The following ZBTB7C variants were observed in gnomAD, a reference collection of about 807,000 sequenced individuals.
The protein encoded by ZBTB7C is zinc finger and BTB domain containing 7C.
ZBTB7C carries 8 observed loss-of-function variants against 25.7 expected under a neutral mutation model. The observed-to-expected ratio is 0.31, with a 90% CI of 0.18 to 0.56. The LOEUF (loss-of-function observed/expected upper bound fraction) is 0.56. Among genes scored for constraint, ZBTB7C ranks in the 20% least tolerant of loss-of-function variants. The pLI is 0.91. For missense variants in ZBTB7C, 824 were observed against 855.2 expected (o/e 0.96, Z 0.46); for synonymous variants, 394 against 369.0 (o/e 1.07, Z -0.78).
chr18:48,307,964 A>G (rs771145967), intron 2 of ZBTB7C, among the ~76,000 whole-genome samples: 8 of 152,214 alleles, frequency 5.3e-5, no homozygotes, highest in Non-Finnish European at 1.2e-4. Flanking sequence ...TTTTTGGTAC[A>G]TTTTTTATGT....
chr18:48,294,394 G>C (rs1201112162), intron 2 of ZBTB7C, among the ~76,000 whole-genome samples: 1 of 149,178 alleles, frequency 6.7e-6, no homozygotes, highest in Non-Finnish European at 1.5e-5. Context: ...GTTTTTTTCT[G>C]TTTCTAGCTT....
At chr18:48,170,706 C>T (rs952934884) in intron 3 of ZBTB7C, among the ~76,000 whole-genome samples, 14 of 152,180 alleles carry the variant, frequency 9.2e-5, no homozygotes, top group African/African-American at 2.9e-4. Context: ...CCCCTCCACA[C>T]CTATGAAGTC....
chr18:48,367,190 TATATATATATATACACACACACACACAC>T, intron 1 of ZBTB7C, among the ~76,000 whole-genome samples: 2 of 68,544 alleles, frequency 2.9e-5, no homozygotes, highest in South Asian at 9.6e-4. Flanking sequence ...TATATATATA[TATATATATATATACACACACACACACAC>T]ACACACACAC....
At chr18:48,051,499 C>T (rs2036685548) in intron 3 of ZBTB7C, among the ~76,000 whole-genome samples, 1 of 152,210 alleles carries the variant, frequency 6.6e-6, no homozygotes, top group South Asian at 2.1e-4. Flanking sequence ...AGCCTTTTAC[C>T]TTTCAAAGCA....
chr18:48,409,393 C>A (rs1286151261), upstream of ZBTB7C: 1 of 147,118 alleles, frequency 6.8e-6, no homozygotes, highest in African/African-American at 2.5e-5. Context: ...TGGAGCTGAG[C>A]GGCGGCAGCG....
At chr18:48,157,166 G>T (rs1463802481) in intron 3 of ZBTB7C, among the ~76,000 whole-genome samples, 1 of 152,124 alleles carries the variant, frequency 6.6e-6, no homozygotes, top group African/African-American at 2.4e-5. Context: ...ATAACCTGGG[G>T]GTACTCTCTG....
chr18:48,257,990 C>T (rs1256185406), intron 2 of ZBTB7C, among the ~76,000 whole-genome samples: 1 of 152,106 alleles, frequency 6.6e-6, no homozygotes, highest in Non-Finnish European at 1.5e-5. Context: ...GCTATGATTG[C>T]ACCACTGCAC....
chr18:48,261,636 C>CT (rs1434123677), intron 2 of ZBTB7C, among the ~76,000 whole-genome samples: 3 of 152,184 alleles, frequency 2.0e-5, no homozygotes, highest in Non-Finnish European at 4.4e-5. Flanking sequence ...ATCCTCGCCT[C>CT]TGAGTCACTC....
chr18:48,194,097 C>T (rs2042262233), intron 2 of ZBTB7C, among the ~76,000 whole-genome samples: 3 of 152,260 alleles, frequency 2.0e-5, no homozygotes, highest in African/African-American at 7.2e-5. Flanking sequence ...AGAGCCAAGG[C>T]CAACAGTGGG....
At chr18:48,395,015 CTT>C (rs2047987825) in intron 1 of ZBTB7C, among the ~76,000 whole-genome samples, 1 of 152,152 alleles carries the variant, frequency 6.6e-6, no homozygotes, top group Admixed American at 6.5e-5. Flanking sequence ...TGAACTGACT[CTT>C]AATGTGCTGT....
chr18:48,208,239 A>G (rs2042625306), intron 2 of ZBTB7C, among the ~76,000 whole-genome samples: 2 of 152,166 alleles, frequency 1.3e-5, no homozygotes, highest in Admixed American at 1.3e-4. Flanking sequence ...AATCTTTACC[A>G]GCACCTAGTC....
intron 1 of ZBTB7C, among the ~76,000 whole-genome samples, chr18:48,388,356 C>T (rs1244936037): frequency 6.6e-6 from 1 of 152,068 alleles, no homozygotes; most frequent in African/African-American, 2.4e-5. Context: ...CATCTCTTCT[C>T]CCTAGCGAGG....
intron 1 of ZBTB7C, among the ~76,000 whole-genome samples, chr18:48,358,180 C>T (rs1018078733): frequency 3.3e-5 from 5 of 152,050 alleles, no homozygotes; most frequent in African/African-American, 4.8e-5. Context: ...GGTGAAACCC[C>T]GTCTCCACTA....
intron 2 of ZBTB7C, among the ~76,000 whole-genome samples, chr18:48,257,539 T>C (rs1008026231): frequency 1.3e-5 from 2 of 152,120 alleles, no homozygotes; most frequent in African/African-American, 4.8e-5. Flanking sequence ...GAAGGGAATA[T>C]TTCCCAACCC....
intron 3 of ZBTB7C, among the ~76,000 whole-genome samples, chr18:48,094,619 T>A (rs1390729535): frequency 6.6e-6 from 1 of 152,164 alleles, no homozygotes; most frequent in African/African-American, 2.4e-5. Context: ...GAGGACATTT[T>A]TTTTTCTCCC....
chr18:48,391,020 C>T (rs1189749519), intron 1 of ZBTB7C, among the ~76,000 whole-genome samples: 1 of 152,242 alleles, frequency 6.6e-6, no homozygotes, highest in Non-Finnish European at 1.5e-5. Flanking sequence ...CTCCAACCCT[C>T]CTTCTGCTAA....
chr18:48,386,127 A>G (rs2047742605), intron 1 of ZBTB7C, among the ~76,000 whole-genome samples: 1 of 152,208 alleles, frequency 6.6e-6, no homozygotes, highest in South Asian at 2.1e-4. Flanking sequence ...TGGTTAGCAC[A>G]CTGTAGGCTG....
chr18:48,154,515 C>T (rs1050033892), intron 3 of ZBTB7C, among the ~76,000 whole-genome samples: 11 of 152,214 alleles, frequency 7.2e-5, no homozygotes, highest in African/African-American at 2.7e-4. Flanking sequence ...AAAATCTGCC[C>T]TGTTCAATTC....
intron 1 of ZBTB7C, among the ~76,000 whole-genome samples, chr18:48,356,769 C>T (rs545717570): frequency 4.6e-5 from 7 of 152,198 alleles, no homozygotes; most frequent in Non-Finnish European, 4.4e-5. Context: ...AATGGGCCGA[C>T]GTGCATTATC....
Sources: allele counts gnomAD v4.1 joint callset (sites outside exome capture counted in the v4.1 genomes callset), GRCh38; gene constraint gnomAD v4.1.1; transcripts MANE v1.5; gene names NCBI Gene and HGNC (gene_info 2026-07-23, HGNC 2026-07-21).